Variants in NEGR1 observed in about 807,000 individuals in gnomAD.
NEGR1 encodes the protein neuronal growth regulator 1.
In NEGR1, 10 loss-of-function variants were observed where a neutral mutation model predicts 40.9. The ratio of observed to expected loss-of-function variants is 0.24; its 90% CI spans 0.15 to 0.42. The LOEUF (loss-of-function observed/expected upper bound fraction) is 0.42. NEGR1 is among the 10% of genes least tolerant of loss of function. The pLI is 1.00. For missense variants in NEGR1, 352 were observed against 438.9 expected (o/e 0.80, Z 1.77); for synonymous variants, 185 against 166.8 (o/e 1.11, Z -0.84).
chr1:71,547,764 T>C (rs1647949771), intron 6 of NEGR1, among the ~76,000 whole-genome samples: 1 of 151,682 alleles, frequency 6.6e-6, no homozygotes, highest in Non-Finnish European at 1.5e-5. Context: ...TGCCAGCTTT[T>C]GAGATGGCTC....
chr1:71,670,894 A>G (rs968602685), intron 4 of NEGR1, among the ~76,000 whole-genome samples: 2 of 151,018 alleles, frequency 1.3e-5, no homozygotes, highest in East Asian at 3.9e-4. Context: ...AACTCACAAC[A>G]CACACACACA....
chr1:71,604,301 A>G lies in NEGR1; in HGVS notation c.788+6725T>C, dbSNP rs559358488. On this transcript the variant is annotated intron_variant, in intron 5 of 6. Transcript: ENST00000357731. ...TTGAAAATCATAATCTGCTATGCAAATGTAATGTATTCATAATTTTGACAT... is the reference window on the plus strand; with the variant it reads ...TTGAAAATCATAATCTGCTATGCAAGTGTAATGTATTCATAATTTTGACAT... 2.2e-3 allele frequency among the ~76,000 whole-genome samples: 331 copies of G among 152,304 alleles called. 1 individual carries two copies. The highest frequency in any genetic ancestry group is 7.5e-3 in the African/African-American group (312 of 41,572).
intron 6 of NEGR1, among the ~76,000 whole-genome samples, chr1:71,542,024 C>T (rs151219501): frequency 1.9e-4 from 29 of 151,642 alleles, no homozygotes; most frequent in Non-Finnish European, 2.9e-4. Context: ...TGTATTGTAA[C>T]GGAGACCATA....
At chr1:71,682,891 T>G (rs776735719) in intron 4 of NEGR1, among the ~76,000 whole-genome samples, 9 of 152,144 alleles carry the variant, frequency 5.9e-5, no homozygotes, top group Non-Finnish European at 1.0e-4. Flanking sequence ...TCTTCCTCTT[T>G]CCATGTGATG....
chr1:72,195,394 C>T (rs1402266103), intron 1 of NEGR1, among the ~76,000 whole-genome samples: 2 of 151,838 alleles, frequency 1.3e-5, no homozygotes, highest in Admixed American at 1.3e-4. Flanking sequence ...TTTTTGTTGC[C>T]AAGCATAAAA....
chr1:71,794,582 A>C (rs1415970327), intron 2 of NEGR1: 1 of 152,178 alleles, frequency 6.6e-6, no homozygotes, highest in Non-Finnish European at 1.5e-5. Flanking sequence ...ACCTCATGCC[A>C]TGTACATAAA....
intron 3 of NEGR1, among the ~76,000 whole-genome samples, chr1:71,707,573 T>A (rs968208875): frequency 6.6e-6 from 1 of 152,290 alleles, no homozygotes; most frequent in Non-Finnish European, 1.5e-5. Flanking sequence ...CCTGGGGGAC[T>A]TCACCATCCT....
At chr1:72,133,739 C>T (rs1650343952) in intron 1 of NEGR1, among the ~76,000 whole-genome samples, 1 of 151,416 alleles carries the variant, frequency 6.6e-6, no homozygotes, top group Non-Finnish European at 1.5e-5. Flanking sequence ...AAAAGAATGT[C>T]ATCAGCTTAA....
chr1:71,611,529 C>T (rs1341327322), intron 4 of NEGR1, among the ~76,000 whole-genome samples: 1 of 152,098 alleles, frequency 6.6e-6, no homozygotes, highest in Non-Finnish European at 1.5e-5. Flanking sequence ...TTTACATTCT[C>T]GATTTCCTCA....
intron 4 of NEGR1, among the ~76,000 whole-genome samples, chr1:71,624,819 C>G (rs925794662): frequency 1.3e-5 from 2 of 151,944 alleles, no homozygotes; most frequent in African/African-American, 4.8e-5. Flanking sequence ...TTCTTTCCTT[C>G]TTAACCATCC....
chr1:72,066,891 A>G (rs1421237316), intron 1 of NEGR1, among the ~76,000 whole-genome samples: 1 of 152,188 alleles, frequency 6.6e-6, no homozygotes, highest in Non-Finnish European at 1.5e-5. Flanking sequence ...AGAAGGTCTG[A>G]GAAATGTAAA....
chr1:72,009,490 T>G (rs961630489), intron 1 of NEGR1, among the ~76,000 whole-genome samples: 1 of 147,492 alleles, frequency 6.8e-6, no homozygotes, highest in African/African-American at 2.7e-5. Flanking sequence ...ATGCAGAGGG[T>G]TTTTTTTATA....
intron 6 of NEGR1, among the ~76,000 whole-genome samples, chr1:71,534,129 G>C (rs1647440561): frequency 6.6e-6 from 1 of 151,540 alleles, no homozygotes; most frequent in African/African-American, 2.4e-5. Context: ...AAATGTTGCT[G>C]AGCAAAAAAC....
rs1042255404 is a variant in NEGR1, at chr1:72,042,026, G to T, written c.177-106715C>A. On this transcript the variant is annotated intron_variant, in intron 1 of 6. Transcript: ENST00000357731. ...TATAATATACATTTGATTAAATACA[G>T]AAATATATATATATATCTATTTGAG... Among the ~76,000 whole-genome samples, 6 of 145,844 alleles carry T rather than the reference G, an allele frequency of 4.1e-5. No individual in the cohort carries two copies. In the South Asian group the frequency reaches 1.3e-3, roughly 31 times the overall value.
intron 1 of NEGR1, among the ~76,000 whole-genome samples, chr1:72,116,551 G>A (rs949436921): frequency 9.9e-5 from 15 of 151,674 alleles, no homozygotes; most frequent in Admixed American, 6.6e-4. Flanking sequence ...GAAAATAGTC[G>A]TGGTTTTAAG....
rs570019285 is a variant in NEGR1 at position 72,225,409 on chromosome 1, AAT to A, written c.176+56908_176+56909del. Among the ~76,000 whole-genome samples, 751 of 151,910 alleles carry A rather than the reference AAT, an allele frequency of 4.9e-3. 7 individuals carry two copies. The highest frequency in any genetic ancestry group is 0.017 in the African/African-American group (723 of 41,546). Reference sequence around the variant, plus strand: ...ATAAAACAAACTTTTATTTTCTTTAAATATGAGTTTTGTATTATAAAATATCT... The same window carrying A: ...ATAAAACAAACTTTTATTTTCTTTAAATGAGTTTTGTATTATAAAATATCT... On this transcript the variant is annotated intron_variant, in intron 1 of 6. Transcript: ENST00000357731.
intron 6 of NEGR1, among the ~76,000 whole-genome samples, chr1:71,412,960 C>A (rs1196014084): frequency 1.3e-5 from 2 of 152,098 alleles, no homozygotes; most frequent in African/African-American, 4.8e-5. Flanking sequence ...ACAGAACAGG[C>A]TGTCATTCTT....
rs76695003 is a variant in NEGR1 at position 71,567,761 on chromosome 1, G to A, written c.940+25056C>T. 6.3e-3 allele frequency among the ~76,000 whole-genome samples: 962 copies of A among 152,082 alleles called. 10 individuals are homozygous for A. Among genetic ancestry groups the A allele is most frequent in the African/African-American group, 0.021 (884 of 41,494 alleles). On this transcript the variant is annotated intron_variant, in intron 6 of 6. Coordinates refer to ENST00000357731, the MANE Select transcript of NEGR1 (RefSeq NM_173808.3). ...GTATGTTGAAATTCTAAAGCCTAAC[G>A]TGAGGGTATTAGGAACTGGGGTTTT... is the stretch of plus-strand genomic sequence containing the variant.
intron 4 of NEGR1, among the ~76,000 whole-genome samples, chr1:71,650,406 A>G (rs1163372534): frequency 6.6e-6 from 1 of 152,182 alleles, no homozygotes; most frequent in Non-Finnish European, 1.5e-5. Context: ...CAGCTGTTCC[A>G]TGGAAGCTGA....
Sources: gnomAD v4.1 joint callset for allele counts (sites outside exome capture counted in the v4.1 genomes callset) on GRCh38, gnomAD v4.1.1 for gene constraint, MANE v1.5 for transcripts, NCBI Gene and HGNC (gene_info 2026-07-23, HGNC 2026-07-21) for gene names.